The following EXOC4 variants were observed in gnomAD, a reference collection of about 807,000 sequenced individuals.
The protein encoded by EXOC4 is exocyst complex component 4.
A neutral mutation model predicts 107.2 loss-of-function variants in EXOC4; 71 were observed. The ratio of observed to expected loss-of-function variants is 0.66; its 90% CI spans 0.55 to 0.81. The LOEUF is 0.81. Ranked by LOEUF, EXOC4 falls within the 30% of genes least tolerant of loss-of-function variation. The pLI, the probability that EXOC4 is intolerant of heterozygous loss-of-function variation, is 0.00. For synonymous variants in EXOC4, 456 were observed against 441.2 expected (o/e 1.03, Z -0.42); for missense variants, 1,108 against 1,189.6 (o/e 0.93, Z 1.01).
intron 17 of EXOC4, among the ~76,000 whole-genome samples, chr7:134,047,682 C>T (rs904784417): frequency 6.7e-6 from 1 of 149,172 alleles, no homozygotes; most frequent in East Asian, 2.0e-4. Flanking sequence ...GAGTCGTGTC[C>T]ATCACAAGGA....
chr7:133,440,651 C>T (rs1292534509), intron 7 of EXOC4, among the ~76,000 whole-genome samples: 1 of 152,172 alleles, frequency 6.6e-6, no homozygotes, highest in Non-Finnish European at 1.5e-5. Context: ...TGGGCAAACC[C>T]ACTAAAACCA....
At chr7:134,081,889 A>ATT in the EXOC4 span, among the ~76,000 whole-genome samples, 2 of 152,196 alleles carry the variant, frequency 1.3e-5, no homozygotes, top group African/African-American at 4.8e-5. Flanking sequence ...TTTGAGCTGA[A>ATT]AGAATAGATT....
chr7:133,704,228 G>T (rs948989205), intron 10 of EXOC4, among the ~76,000 whole-genome samples: 3 of 152,180 alleles, frequency 2.0e-5, no homozygotes, highest in African/African-American at 7.2e-5. Flanking sequence ...GGAATTACAG[G>T]TGTGAGCCAC....
intron 10 of EXOC4, among the ~76,000 whole-genome samples, chr7:133,761,286 T>C (rs913207713): frequency 2.0e-5 from 3 of 152,152 alleles, no homozygotes; most frequent in Non-Finnish European, 4.4e-5. Context: ...TTAGCTTGGA[T>C]AACACTATTT....
intron 9 of EXOC4, among the ~76,000 whole-genome samples, chr7:133,617,804 C>A (rs1053216849): frequency 3.3e-5 from 5 of 152,106 alleles, no homozygotes; most frequent in Non-Finnish European, 2.9e-5. Context: ...AAATATACAT[C>A]CTCTGGGTAG....
chr7:133,447,820 A>G (rs1287718541), intron 7 of EXOC4, among the ~76,000 whole-genome samples: 1 of 152,116 alleles, frequency 6.6e-6, no homozygotes, highest in Admixed American at 6.5e-5. Flanking sequence ...CAGGTTATGG[A>G]TGAGAGAAGA....
chr7:133,540,174 C>T (rs1261353830), intron 9 of EXOC4, among the ~76,000 whole-genome samples: 1 of 152,142 alleles, frequency 6.6e-6, no homozygotes, highest in East Asian at 1.9e-4. Context: ...TTATGTAGCA[C>T]CTGCTTCACT....
intron 9 of EXOC4, among the ~76,000 whole-genome samples, chr7:133,609,760 A>G (rs141636339): frequency 1.4e-4 from 21 of 152,350 alleles, no homozygotes; most frequent in African/African-American, 1.9e-4. Flanking sequence ...GCTGGAGCCA[A>G]TGGTGCACAT....
chr7:133,567,524 A>G (rs143093858), intron 9 of EXOC4, among the ~76,000 whole-genome samples: 1 of 152,312 alleles, frequency 6.6e-6, no homozygotes, highest in Non-Finnish European at 1.5e-5. Context: ...TGTCTGTAAG[A>G]TAAATTTCTG....
rs1438569456 is a variant in EXOC4 at position 134,004,936 on chromosome 7, C to T, written c.2373C>T (p.Ile791=). 6.2e-7 allele frequency: 1 copy of T among 1,613,216 alleles called. No homozygotes were observed. Among genetic ancestry groups the T allele is most frequent in the Admixed American group, 1.7e-5 (1 of 59,946 alleles). ...GGGTTCACTGTTTCCACTATCTTAT[C>T]CCTCTTGCAAAGGAGGGGAACTATG... ...EVRVHCFHYL[I]PLAKEGNYAI... The change falls in exon 16 of 18, where the codon ATC becomes ATT. Residue 791 remains isoleucine (I), a synonymous_variant. Coordinates refer to ENST00000253861, the MANE Select transcript of EXOC4 (RefSeq NM_021807.4).
At chr7:134,048,917 C>G (rs1028297134) in intron 17 of EXOC4, among the ~76,000 whole-genome samples, 2 of 151,828 alleles carry the variant, frequency 1.3e-5, no homozygotes, top group African/African-American at 4.8e-5. Flanking sequence ...GCTTTCTTAC[C>G]CTCAGGTCCA....
intron 14 of EXOC4, among the ~76,000 whole-genome samples, chr7:133,975,581 A>G (rs1288067616): frequency 6.6e-6 from 1 of 152,196 alleles, no homozygotes; most frequent in Non-Finnish European, 1.5e-5. Context: ...ATTTGGAGAA[A>G]ATGTAGGTAT....
At chr7:133,843,421 T>C (rs563646592) in intron 11 of EXOC4, among the ~76,000 whole-genome samples, 1 of 152,316 alleles carries the variant, frequency 6.6e-6, no homozygotes, top group South Asian at 2.1e-4. Context: ...TGTATTCTTT[T>C]TGTGGCTATT....
chr7:133,728,662 T>A (rs1305810805), intron 10 of EXOC4, among the ~76,000 whole-genome samples: 1 of 152,220 alleles, frequency 6.6e-6, no homozygotes, highest in African/African-American at 2.4e-5. Flanking sequence ...TCATCTATTC[T>A]GTAAACTTCT....
At chr7:133,278,776 G>A (rs1794058472) in intron 2 of EXOC4, among the ~76,000 whole-genome samples, 1 of 152,108 alleles carries the variant, frequency 6.6e-6, no homozygotes, top group East Asian at 1.9e-4. Context: ...AGAAATGATT[G>A]TAATGCTTTG....
intron 6 of EXOC4, among the ~76,000 whole-genome samples, chr7:133,373,893 A>T (rs1246229016): frequency 6.6e-6 from 1 of 152,242 alleles, no homozygotes; most frequent in African/African-American, 2.4e-5. Flanking sequence ...GAGGTAAAGT[A>T]TCTATATATA....
chr7:133,764,731 T>C (rs532034104), intron 10 of EXOC4, among the ~76,000 whole-genome samples: 1 of 152,224 alleles, frequency 6.6e-6, no homozygotes, highest in East Asian at 1.9e-4. Context: ...CTAGATAAGT[T>C]GTTTTGCCAT....
chr7:133,761,726 T>TA (rs1325897650), intron 10 of EXOC4, among the ~76,000 whole-genome samples: 1 of 152,202 alleles, frequency 6.6e-6, no homozygotes, highest in Non-Finnish European at 1.5e-5. Flanking sequence ...ATTGAGCTAG[T>TA]AACTTATAAG....
At chr7:133,441,622 G>T (rs1030744707) in intron 7 of EXOC4, among the ~76,000 whole-genome samples, 2 of 152,026 alleles carry the variant, frequency 1.3e-5, no homozygotes, top group African/African-American at 4.8e-5. Context: ...TGAGCTCCTG[G>T]CATCAAGCAA....
Sources: allele counts gnomAD v4.1 joint callset (sites outside exome capture counted in the v4.1 genomes callset), GRCh38; gene constraint gnomAD v4.1.1; transcripts MANE v1.5; gene names NCBI Gene and HGNC (gene_info 2026-07-23, HGNC 2026-07-21).